Variants in CASP4 observed in about 807,000 individuals in gnomAD.
CASP4 encodes the protein caspase-4.
CASP4 carries 29 observed loss-of-function variants against 41.3 expected under a neutral mutation model. The ratio of observed to expected loss-of-function variants is 0.70; its 90% CI spans 0.52 to 0.96. The LOEUF is 0.96. CASP4 is among the 40% of genes least tolerant of loss of function. The pLI, the probability that CASP4 is intolerant of heterozygous loss-of-function variation, is 0.00. For missense variants in CASP4, 447 were observed against 460.6 expected (o/e 0.97, Z 0.27); for synonymous variants, 185 against 158.4 (o/e 1.17, Z -1.26).
At chr11:104,961,657 T>C (rs1366236082) in intron 1 of CASP4, among the ~76,000 whole-genome samples, 1 of 152,194 alleles carries the variant, frequency 6.6e-6, no homozygotes, top group Non-Finnish European at 1.5e-5. Context: ...TTGAGATTTC[T>C]CAGACAGAGA....
intron 1 of CASP4, among the ~76,000 whole-genome samples, chr11:104,959,091 T>C (rs143291321): frequency 1.2e-3 from 175 of 150,850 alleles, no homozygotes; most frequent in African/African-American, 4.1e-3. Context: ...TAAGTATATA[T>C]CAAAAATTGG....
chr11:104,945,056 T>G lies in CASP4; in HGVS notation c.1036-205A>C, dbSNP rs550183445. Among the ~76,000 whole-genome samples, 59 of 152,242 alleles carry G rather than the reference T, an allele frequency of 3.9e-4. No homozygotes were observed. In the South Asian group the frequency reaches 7.0e-3, roughly 18 times the overall value. On this transcript the variant is annotated intron_variant, in intron 7 of 8. Transcript: ENST00000444739. Reference sequence around the variant, plus strand: ...TCAGACTGTATGCTTTACATCAAAATAAACACCTCATGTCTAATCCAAGGT... The same window carrying G: ...TCAGACTGTATGCTTTACATCAAAAGAAACACCTCATGTCTAATCCAAGGT...
chr11:104,950,642 G>C (rs556387732), intron 4 of CASP4, among the ~76,000 whole-genome samples: 8 of 151,840 alleles, frequency 5.3e-5, no homozygotes, highest in Non-Finnish European at 1.2e-4. Flanking sequence ...AATTTTCTGG[G>C]GATTTTCGGG....
intron 1 of CASP4, among the ~76,000 whole-genome samples, chr11:104,963,552 A>G (rs1860908023): frequency 6.6e-6 from 1 of 152,214 alleles, no homozygotes; most frequent in African/African-American, 2.4e-5. Flanking sequence ...GGTATGTAAT[A>G]ACTAGGTAGG....
intron 1 of CASP4, 138 bp downstream of exon 1, chr11:104,968,381 A>G (rs1412045257): frequency 2.6e-6 from 2 of 776,154 alleles, no homozygotes; most frequent in Non-Finnish European, 4.5e-6. Flanking sequence ...CCATGATTCA[A>G]ACTACACACA....
intron 2 of CASP4, 191 bp from the exon 3 acceptor site, chr11:104,952,196 A>G: frequency 1.8e-6 from 1 of 560,984 alleles, no homozygotes; most frequent in East Asian, 2.8e-5. Context: ...AGATCCACCC[A>G]AACATGTAAT....
At chr11:104,963,895 GA>G (rs1860916274) in intron 1 of CASP4, among the ~76,000 whole-genome samples, 3 of 151,618 alleles carry the variant, frequency 2.0e-5, no homozygotes, top group South Asian at 2.1e-4. Flanking sequence ...ATTTAGCTTG[GA>G]AAAAAAATGC....
chr11:104,949,887 G>T (rs1412322149), intron 4 of CASP4, 110 bp from the exon 5 acceptor site: 2 of 983,496 alleles, frequency 2.0e-6, no homozygotes, highest in Non-Finnish European at 3.1e-6. Context: ...AGGTCGTGGT[G>T]CTTCACTTAG....
At chr11:104,966,836 A>C (rs1366097674) in intron 1 of CASP4, among the ~76,000 whole-genome samples, 1 of 152,188 alleles carries the variant, frequency 6.6e-6, no homozygotes, top group East Asian at 1.9e-4. Flanking sequence ...TTTTGACCTA[A>C]AGCATATTTT....
intron 2 of CASP4, 134 bp downstream of exon 2, chr11:104,954,613 A>C (rs1860690302): frequency 3.4e-6 from 3 of 872,872 alleles, no homozygotes; most frequent in Non-Finnish European, 5.3e-6. Context: ...CTCTAAAAGG[A>C]CAAAGATAGG....
Position 104,954,866 on chromosome 11 carries a change from G to A in CASP4, c.143C>T (p.Ala48Val), listed in dbSNP as rs1381680344. 4 of 1,613,760 alleles carry A rather than the reference G, an allele frequency of 2.5e-6. No homozygotes were observed. The highest frequency in any genetic ancestry group is 1.7e-5 in the Admixed American group (1 of 59,954). ...KEEEKKKYYD[A>V]KTEDKVRVMA... ...GACCCGAACTTTGTCTTCAGTTTTA[G>A]CATCGTAATATTTCTTTTTTTCCTC... The change falls in exon 2 of 9, where the codon GCT becomes GTT. Residue 48 changes from alanine (A) to valine (V), a missense_variant. By Grantham distance (64) the Ala-to-Val change is moderately conservative. Transcript: ENST00000444739.
At chr11:104,961,285 G>A (rs995176381) in intron 1 of CASP4, among the ~76,000 whole-genome samples, 3 of 152,214 alleles carry the variant, frequency 2.0e-5, no homozygotes, top group Non-Finnish European at 2.9e-5. Context: ...CAGGGTTTCC[G>A]TCTGTAGCTG....
chr11:104,959,062 G>A (rs1446688964), intron 1 of CASP4, among the ~76,000 whole-genome samples: 8 of 149,452 alleles, frequency 5.4e-5, no homozygotes, highest in African/African-American at 1.7e-4. Flanking sequence ...CTAAAGATAT[G>A]ATCAAGCAAT....
At position 104,944,670 on chromosome 11, in the gene CASP4, T is replaced by G. The variant is rs1280908750; in HGVS notation, c.*5+78A>C. 3.3e-6 allele frequency: 3 copies of G among 908,188 alleles called. No individual in the cohort carries two copies. The African/African-American group carries it at 4.9e-5, about 15-fold the overall frequency. The allele number at this position is 908,188 out of a possible 1,614,324, so 56.3% of individuals were successfully genotyped here. A position where few individuals can be genotyped will look rare whatever the true frequency, so the allele number is the denominator to read the frequency against. ...ATTTGACCATCCAAGTACTCAGCTG[T>G]CATTTGTCATTGAACTTAACCACCA... is the stretch of plus-strand genomic sequence containing the variant. On this transcript the variant is annotated intron_variant, in intron 8 of 8. Transcript: ENST00000444739.
intron 8 of CASP4, chr11:104,944,518 C>CTGA: frequency 2.2e-6 from 1 of 453,554 alleles, no homozygotes; most frequent in Non-Finnish European, 4.0e-6. Flanking sequence ...CATTCTGCTG[C>CTGA]GGTTTTCCTT....
intron 2 of CASP4, among the ~76,000 whole-genome samples, chr11:104,953,335 C>T (rs1294350826): frequency 6.6e-6 from 1 of 152,096 alleles, no homozygotes; most frequent in Non-Finnish European, 1.5e-5. Context: ...GCCACAGCCT[C>T]TGCTAATCAG....
At chr11:104,943,908 T>C (rs1024874077) in intron 8 of CASP4, 1 of 152,200 alleles carries the variant, frequency 6.6e-6, no homozygotes, top group African/African-American at 2.4e-5. Context: ...TAAAATATAA[T>C]TTTAAGTATG....
At chr11:104,960,921 A>G (rs1860844415) in intron 1 of CASP4, among the ~76,000 whole-genome samples, 1 of 152,220 alleles carries the variant, frequency 6.6e-6, no homozygotes, top group South Asian at 2.1e-4. Flanking sequence ...CTGAATATTT[A>G]CTAATTATTT....
At chr11:104,960,336 A>G (rs1403328697) in intron 1 of CASP4, among the ~76,000 whole-genome samples, 1 of 152,074 alleles carries the variant, frequency 6.6e-6, no homozygotes, top group Non-Finnish European at 1.5e-5. Flanking sequence ...CTATCCTTCA[A>G]GTATCAGATT....
Sources: gnomAD v4.1 joint callset for allele counts (sites outside exome capture counted in the v4.1 genomes callset) on GRCh38, gnomAD v4.1.1 for gene constraint, MANE v1.5 for transcripts, NCBI Gene and HGNC (gene_info 2026-07-23, HGNC 2026-07-21) for gene names.